The following RORA variants were observed in gnomAD, a reference collection of about 807,000 sequenced individuals.
RORA encodes nuclear receptor ROR-alpha.
RORA carries 7 observed loss-of-function variants against 69.5 expected under a neutral mutation model. The observed-to-expected ratio is 0.10, with a 90% CI of 0.06 to 0.19. The LOEUF (loss-of-function observed/expected upper bound fraction) is 0.19. RORA is among the 10% of genes least tolerant of loss of function. The pLI, the probability that RORA is intolerant of heterozygous loss-of-function variation, is 1.00. For synonymous variants in RORA, 261 were observed against 240.8 expected, an observed-to-expected ratio of 1.08 and a Z score of -0.78; for missense variants, 457 against 663.0, an observed-to-expected ratio of 0.69 and a Z score of 3.41.
intron 2 of RORA, among the ~76,000 whole-genome samples, chr15:60,647,159 C>T (rs2070060886): frequency 6.6e-6 from 1 of 152,272 alleles, no homozygotes; most frequent in South Asian, 2.1e-4. Context: ...GTATAGCTTG[C>T]CAACTCTAGG....
intron 2 of RORA, among the ~76,000 whole-genome samples, chr15:60,555,020 T>G (rs2067319277): frequency 6.6e-6 from 1 of 152,178 alleles, no homozygotes; most frequent in Non-Finnish European, 1.5e-5. Flanking sequence ...GCTTCCTGTG[T>G]CTTGGTCCTC....
rs200512527 is a variant in RORA at position 60,614,870 on chromosome 15, A to T, written c.196+63787T>A. 1,766 of 1,598,956 alleles carry T rather than the reference A, an allele frequency of 1.1e-3. 3 individuals carry two copies. The highest frequency in any genetic ancestry group is 1.3e-3 in the Non-Finnish European group (1,567 of 1,167,358). ...TTACATACATATAGCTGCCTGGAGC[A>T]TAGTAAGCTCTCAAATAACGCACCT... On this transcript the variant is annotated intron_variant, in intron 2 of 10. Transcript: ENST00000335670.
chr15:61,202,274 T>G lies in RORA; in HGVS notation c.166+26779A>C, dbSNP rs866976951. On this transcript the variant is annotated intron_variant, in intron 1 of 10. Coordinates refer to ENST00000335670, the MANE Select transcript of RORA (RefSeq NM_134261.3). ...ATCCGCCTGCCTCAGCCTCCCACAG[T>G]GCTGGGATTACAGGCATGAGACACT... 2.6e-5 allele frequency among the ~76,000 whole-genome samples: 4 copies of G among 152,292 alleles called. No individual in the cohort carries two copies. In the South Asian group the frequency reaches 8.3e-4, roughly 32 times the overall value.
At chr15:60,770,776 C>T (rs2072061623) in intron 1 of RORA, among the ~76,000 whole-genome samples, 1 of 152,272 alleles carries the variant, frequency 6.6e-6, no homozygotes, top group East Asian at 1.9e-4. Flanking sequence ...GAATGCTTCA[C>T]CATGCCTGGC....
intron 1 of RORA, among the ~76,000 whole-genome samples, chr15:61,078,463 T>C (rs925382990): frequency 6.6e-5 from 10 of 152,102 alleles, no homozygotes; most frequent in Admixed American, 5.2e-4. Flanking sequence ...CCTCCCAAAG[T>C]GTTGGGATTA....
rs762440045 is a variant in RORA, at chr15:61,229,210, T to G, written c.9A>C (p.Ser3=). The change falls in exon 1 of 11, where the codon TCA becomes TCC. Residue 3 remains serine (S), a synonymous_variant. Transcript: ENST00000335670. ME[S]APAAPDPAAS... is the part of the protein sequence containing the mutation. ...CGGCGGGGTCGGGGGCTGCCGGAGC[T>G]GACTCCATGTTTTTTCCCAATGTAG... 4.7e-6 allele frequency: 7 copies of G among 1,486,732 alleles called. No individual in the cohort carries two copies. The highest frequency in any genetic ancestry group is 2.7e-5 in the East Asian group (1 of 37,288). The allele number at this position is 1,486,732 out of a possible 1,614,324, so 92.1% of individuals were successfully genotyped here. A position where few individuals can be genotyped will look rare whatever the true frequency, so the allele number is the denominator to read the frequency against.
At chr15:61,207,641 T>G (rs1010162151) in intron 1 of RORA, among the ~76,000 whole-genome samples, 1 of 152,254 alleles carries the variant, frequency 6.6e-6, no homozygotes, top group Non-Finnish European at 1.5e-5. Context: ...GTCTTCGTGA[T>G]TCCGAGCTGA....
intron 1 of RORA, among the ~76,000 whole-genome samples, chr15:60,805,365 G>A (rs190008530): frequency 3.3e-4 from 50 of 152,322 alleles, no homozygotes; most frequent in Admixed American, 2.8e-3. Flanking sequence ...GAGAACTGTT[G>A]CCACAAACAA....
chr15:61,025,824 G>T (rs1895781029), intron 1 of RORA, among the ~76,000 whole-genome samples: 1 of 152,200 alleles, frequency 6.6e-6, no homozygotes. Flanking sequence ...GGCAACATGG[G>T]TTGGAGTTGC....
At chr15:61,010,571 G>A (rs1403001878) in intron 1 of RORA, among the ~76,000 whole-genome samples, 2 of 152,284 alleles carry the variant, frequency 1.3e-5, no homozygotes, top group East Asian at 1.9e-4. Flanking sequence ...GGGGTGTGGA[G>A]CTTCCATTCA....
chr15:60,906,168 A>C (rs1891534267), intron 1 of RORA, among the ~76,000 whole-genome samples: 1 of 152,186 alleles, frequency 6.6e-6, no homozygotes, highest in Non-Finnish European at 1.5e-5. Context: ...CTTCTGACAG[A>C]TTAGGCAGCC....
chr15:61,187,490 A>G (rs1370065944), intron 1 of RORA, among the ~76,000 whole-genome samples: 1 of 152,160 alleles, frequency 6.6e-6, no homozygotes, highest in Non-Finnish European at 1.5e-5. Flanking sequence ...GGGAAAAACC[A>G]AGAGGAGGAG....
chr15:61,051,564 C>T (rs1349158951), intron 1 of RORA, among the ~76,000 whole-genome samples: 1 of 152,194 alleles, frequency 6.6e-6, no homozygotes, highest in African/African-American at 2.4e-5. Context: ...GGACAGGAAT[C>T]CTATCGGGTA....
intron 2 of RORA, among the ~76,000 whole-genome samples, chr15:60,603,134 C>T (rs1289822666): frequency 6.6e-6 from 1 of 152,170 alleles, no homozygotes; most frequent in Non-Finnish European, 1.5e-5. Context: ...AGTAATATTC[C>T]ATTCCACAGT....
intron 1 of RORA, among the ~76,000 whole-genome samples, chr15:60,863,963 T>C (rs956766776): frequency 1.3e-5 from 2 of 152,164 alleles, no homozygotes; most frequent in Non-Finnish European, 2.9e-5. Flanking sequence ...CGTGCCACTG[T>C]GCCCAGCTAG....
chr15:60,984,295 T>A (rs2140363012), intron 1 of RORA, among the ~76,000 whole-genome samples: 1 of 152,272 alleles, frequency 6.6e-6, no homozygotes, highest in East Asian at 1.9e-4. Context: ...AGGATAATAC[T>A]CACAAAGAGA....
At chr15:61,136,978 G>A (rs1418246860) in intron 1 of RORA, among the ~76,000 whole-genome samples, 1 of 146,272 alleles carries the variant, frequency 6.8e-6, no homozygotes, top group Non-Finnish European at 1.5e-5. Context: ...CCAATGACTG[G>A]AGACCAAAGC....
At chr15:60,592,869 C>T in intron 2 of RORA, 1 of 463,408 alleles carries the variant, frequency 2.2e-6, no homozygotes, top group Non-Finnish European at 4.3e-6. Context: ...TGACCACTTT[C>T]TGCCCCCACT....
chr15:61,192,608 C>T (rs2079810971), intron 1 of RORA, among the ~76,000 whole-genome samples: 1 of 152,240 alleles, frequency 6.6e-6, no homozygotes, highest in African/African-American at 2.4e-5. Context: ...TGCCCTGAGA[C>T]CCAAAGCCAG....
Sources: allele counts gnomAD v4.1 joint callset (sites outside exome capture counted in the v4.1 genomes callset), GRCh38; gene constraint gnomAD v4.1.1; transcripts MANE v1.5; gene names NCBI Gene and HGNC (gene_info 2026-07-23, HGNC 2026-07-21).